The following TIAM1 variants were observed in gnomAD, a reference collection of about 807,000 sequenced individuals.
The protein encoded by TIAM1 is rho guanine nucleotide exchange factor TIAM1.
A neutral mutation model predicts 163.5 loss-of-function variants in TIAM1; 65 were observed. The ratio of observed to expected loss-of-function variants is 0.40; its 90% confidence interval spans 0.33 to 0.49. The LOEUF is 0.49. Ranked by LOEUF, TIAM1 falls within the 20% of genes least tolerant of loss-of-function variation. The pLI, the probability that TIAM1 is intolerant of heterozygous loss-of-function variation, is 0.77. For missense variants in TIAM1, 1,789 were observed against 2,044.7 expected (o/e 0.87, Z 2.41); for synonymous variants, 833 against 810.1 (o/e 1.03, Z -0.48).
At chr21:31,334,909 C>T (rs2075791045) in intron 2 of TIAM1, among the ~76,000 whole-genome samples, 1 of 152,168 alleles carries the variant, frequency 6.6e-6, no homozygotes, top group Non-Finnish European at 1.5e-5. Flanking sequence ...GCCTCTCCTC[C>T]CCACAGTGGA....
At chr21:31,284,522 A>T (rs573676258) in intron 2 of TIAM1, among the ~76,000 whole-genome samples, 109 of 151,798 alleles carry the variant, frequency 7.2e-4, no homozygotes, top group Admixed American at 1.3e-3. Context: ...GAATTTTTTT[A>T]TTTTTTATTT....
chr21:31,152,923 G>A (rs2083447634), intron 18 of TIAM1, 143 bp downstream of exon 18: 2 of 1,254,632 alleles, frequency 1.6e-6, no homozygotes, highest in Non-Finnish European at 2.2e-6. Flanking sequence ...GCACACCAAA[G>A]CTTAGCAGGC....
chr21:31,221,736 C>T (rs139581670), intron 8 of TIAM1, among the ~76,000 whole-genome samples: 66 of 152,318 alleles, frequency 4.3e-4, no homozygotes, highest in African/African-American at 1.5e-3. Flanking sequence ...GATGACATCA[C>T]GAGTTCCCTT....
chr21:31,552,229 T>C (rs1214772257), intron 1 of TIAM1, among the ~76,000 whole-genome samples: 1 of 151,990 alleles, frequency 6.6e-6, no homozygotes, highest in East Asian at 1.9e-4. Context: ...AGCTAATTTT[T>C]GTATTTTTAG....
At chr21:31,296,389 G>T (rs1023958906) in intron 2 of TIAM1, among the ~76,000 whole-genome samples, 5 of 152,146 alleles carry the variant, frequency 3.3e-5, no homozygotes, top group African/African-American at 1.2e-4. Context: ...TGAAGTGGAT[G>T]ATCTTCACCT....
chr21:31,217,308 G>A (rs61369255), intron 9 of TIAM1, among the ~76,000 whole-genome samples: 11,875 of 152,224 alleles, frequency 0.078, 1,570 homozygotes, highest in African/African-American at 0.27. Flanking sequence ...GAGTAGGTCT[G>A]TAATTAATGA....
At chr21:31,135,333 T>G (rs1200143059) in intron 23 of TIAM1, among the ~76,000 whole-genome samples, 3 of 152,210 alleles carry the variant, frequency 2.0e-5, no homozygotes, top group African/African-American at 7.2e-5. Context: ...TTGCAGCAAC[T>G]GCATCCATCT....
chr21:31,456,569 A>C (rs1247556335), intron 2 of TIAM1, among the ~76,000 whole-genome samples: 1 of 152,220 alleles, frequency 6.6e-6, no homozygotes, highest in Non-Finnish European at 1.5e-5. Flanking sequence ...TTTAGGCTGC[A>C]AAGAGGTTTG....
At chr21:31,267,524 T>TC (rs2146822282) in intron 3 of TIAM1, among the ~76,000 whole-genome samples, 1 of 151,586 alleles carries the variant, frequency 6.6e-6, no homozygotes, top group South Asian at 2.1e-4. Flanking sequence ...TCATTTTTTT[T>TC]TTTTTTTTGG....
At chr21:31,466,926 C>A (rs1301356271) in intron 1 of TIAM1, among the ~76,000 whole-genome samples, 1 of 149,888 alleles carries the variant, frequency 6.7e-6, no homozygotes, top group African/African-American at 2.5e-5. Context: ...GACAATGAGG[C>A]TTTTCAAAGT....
intron 6 of TIAM1, among the ~76,000 whole-genome samples, chr21:31,237,997 A>ACATTCCTGCT (rs1451362857): frequency 2.6e-5 from 4 of 152,220 alleles, no homozygotes; most frequent in Non-Finnish European, 4.4e-5. Context: ...CATGACTCCA[A>ACATTCCTGCT]CATTCCTGCT....
intron 19 of TIAM1, among the ~76,000 whole-genome samples, chr21:31,151,341 C>CA (rs2083362051): frequency 1.3e-5 from 2 of 152,114 alleles, no homozygotes; most frequent in South Asian, 4.1e-4. Flanking sequence ...GAATGGATAA[C>CA]AAAGTGTGGT....
At chr21:31,447,444 T>G (rs1602301022) in intron 2 of TIAM1, among the ~76,000 whole-genome samples, 1 of 151,100 alleles carries the variant, frequency 6.6e-6, no homozygotes, top group East Asian at 1.9e-4. Flanking sequence ...TCAAGAAGAT[T>G]TAAAAAAGGA....
At chr21:31,237,307 C>T (rs1484480037) in intron 6 of TIAM1, among the ~76,000 whole-genome samples, 1 of 152,220 alleles carries the variant, frequency 6.6e-6, no homozygotes, top group Non-Finnish European at 1.5e-5. Flanking sequence ...AACCTGGCTG[C>T]CCTTGTCCAG....
intron 2 of TIAM1, among the ~76,000 whole-genome samples, chr21:31,444,769 T>G (rs2044554409): frequency 1.3e-5 from 2 of 152,110 alleles, no homozygotes; most frequent in Non-Finnish European, 2.9e-5. Flanking sequence ...GAGGCCAAGG[T>G]GGGCGGAACA....
rs1042766400 is a variant in TIAM1 at position 31,335,168 on chromosome 21, A to G, written c.-189+4075T>C. ...TAACCAGAGAGGTTCCCGGTTCCTA[A>G]AGAGAAGCATCCATCTCTTTAACTT... On this transcript the variant is annotated intron_variant, in intron 2 of 27. Transcript: ENST00000541036. 2.0e-5 allele frequency among the ~76,000 whole-genome samples: 3 copies of G among 152,286 alleles called. No homozygotes were observed. The South Asian group carries it at 6.2e-4, about 32-fold the overall frequency.
chr21:31,175,730 C>T (rs1186246284), intron 15 of TIAM1, among the ~76,000 whole-genome samples: 1 of 152,038 alleles, frequency 6.6e-6, no homozygotes, highest in Non-Finnish European at 1.5e-5. Context: ...TCCCAAGCAG[C>T]TGGGATTACA....
chr21:31,179,257 G>A (rs762012559), intron 15 of TIAM1, among the ~76,000 whole-genome samples: 3 of 151,534 alleles, frequency 2.0e-5, no homozygotes, highest in Non-Finnish European at 4.4e-5. Flanking sequence ...CGAGGTGGCA[G>A]GTGCCTATAA....
intron 2 of TIAM1, among the ~76,000 whole-genome samples, chr21:31,312,343 G>A (rs1336231089): frequency 6.6e-6 from 1 of 152,072 alleles, no homozygotes; most frequent in Non-Finnish European, 1.5e-5. Context: ...CCCCTCCCAG[G>A]TGAGCCATGA....
Sources: gnomAD v4.1 joint callset for allele counts (sites outside exome capture counted in the v4.1 genomes callset) on GRCh38, gnomAD v4.1.1 for gene constraint, MANE v1.5 for transcripts, NCBI Gene and HGNC (gene_info 2026-07-23, HGNC 2026-07-21) for gene names.